The following KCND2 variants were observed in gnomAD, a reference collection of about 807,000 sequenced individuals.
The protein encoded by KCND2 is potassium voltage-gated channel subfamily D member 2, also known as A-type voltage-gated potassium channel KCND2.
KCND2 carries 16 observed loss-of-function variants against 54.4 expected under a neutral mutation model. That is an observed-to-expected ratio of 0.29 (90% CI 0.20 to 0.45). The LOEUF (loss-of-function observed/expected upper bound fraction) is 0.45. KCND2 is among the 20% of genes least tolerant of loss of function. KCND2 has a pLI of 1.00. For synonymous variants in KCND2, 317 were observed against 310.7 expected, an observed-to-expected ratio of 1.02 and a Z score of -0.21; for missense variants, 486 against 824.2, an observed-to-expected ratio of 0.59 and a Z score of 5.02.
intron 1 of KCND2, among the ~76,000 whole-genome samples, chr7:120,307,576 C>T (rs567683517): frequency 1.3e-5 from 2 of 151,872 alleles, no homozygotes; most frequent in Non-Finnish European, 2.9e-5. Flanking sequence ...GAAATGAGAC[C>T]GTCTTCTCAG....
At chr7:120,362,369 C>T (rs940427407) in intron 1 of KCND2, among the ~76,000 whole-genome samples, 2 of 151,876 alleles carry the variant, frequency 1.3e-5, no homozygotes, top group Non-Finnish European at 2.9e-5. Flanking sequence ...TTTTATAAGC[C>T]GTCGTATTCA....
intron 1 of KCND2, among the ~76,000 whole-genome samples, chr7:120,493,938 A>G (rs549739292): frequency 2.0e-5 from 3 of 152,288 alleles, no homozygotes; most frequent in Non-Finnish European, 4.4e-5. Context: ...TTAAATAAGC[A>G]GTAAAAATTG....
intron 1 of KCND2, among the ~76,000 whole-genome samples, chr7:120,333,894 T>C (rs910577203): frequency 3.4e-4 from 52 of 152,276 alleles, no homozygotes; most frequent in Middle Eastern, 3.4e-3. Context: ...TTCGGCACTT[T>C]AGATCTTAAC....
At chr7:120,709,968 CA>C (rs1175636207) in intron 1 of KCND2, among the ~76,000 whole-genome samples, 16 of 152,064 alleles carry the variant, frequency 1.1e-4, no homozygotes, top group African/African-American at 3.4e-4. Context: ...AACACAAGCT[CA>C]AAGATAAAAT....
chr7:120,392,751 C>T (rs903690979), intron 1 of KCND2, among the ~76,000 whole-genome samples: 4 of 151,868 alleles, frequency 2.6e-5, no homozygotes, highest in Non-Finnish European at 5.9e-5. Flanking sequence ...CTTGCTGCCG[C>T]CATGTTTGTG....
chr7:120,580,812 G>A (rs1316559111), intron 1 of KCND2, among the ~76,000 whole-genome samples: 1 of 151,978 alleles, frequency 6.6e-6, no homozygotes, highest in Non-Finnish European at 1.5e-5. Context: ...TTATGAACTT[G>A]CTTTTATTAT....
chr7:120,550,600 A>G (rs1424807078), intron 1 of KCND2, among the ~76,000 whole-genome samples: 2 of 152,180 alleles, frequency 1.3e-5, no homozygotes, highest in Non-Finnish European at 2.9e-5. Context: ...AAATGGTTTT[A>G]CAAGCCAGCA....
intron 2 of KCND2, among the ~76,000 whole-genome samples, chr7:120,734,332 G>A (rs945956573): frequency 6.6e-6 from 1 of 152,074 alleles, no homozygotes; most frequent in Non-Finnish European, 1.5e-5. Flanking sequence ...TATGTAAGGA[G>A]GCAACTTTAG....
At chr7:120,667,739 T>G (rs1344916769) in intron 1 of KCND2, among the ~76,000 whole-genome samples, 1 of 152,060 alleles carries the variant, frequency 6.6e-6, no homozygotes. Context: ...CCCTACTCAG[T>G]AGACAAAAAT....
intron 1 of KCND2, among the ~76,000 whole-genome samples, chr7:120,300,869 A>G (rs1240200444): frequency 1.3e-5 from 2 of 152,112 alleles, no homozygotes; most frequent in African/African-American, 4.8e-5. Flanking sequence ...ACAAGAAGGA[A>G]AAACTGAACT....
chr7:120,570,736 A>G (rs1410098508), intron 1 of KCND2, among the ~76,000 whole-genome samples: 1 of 152,118 alleles, frequency 6.6e-6, no homozygotes, highest in Admixed American at 6.6e-5. Flanking sequence ...TATTTCTATA[A>G]TGATTCTCTC....
intron 1 of KCND2, among the ~76,000 whole-genome samples, chr7:120,727,544 C>A (rs554222522): frequency 1.3e-5 from 2 of 152,160 alleles, no homozygotes; most frequent in Non-Finnish European, 2.9e-5. Flanking sequence ...TCTTTAATAG[C>A]CAAAACTTAA....
chr7:120,745,994 T>C lies in KCND2; in HGVS notation c.1682T>C (p.Ile561Thr). 2 of 1,613,678 alleles carry C rather than the reference T, an allele frequency of 1.2e-6. No individual in the cohort carries two copies. Among genetic ancestry groups the C allele is most frequent in the East Asian group, 2.2e-5 (1 of 44,848 alleles). Residue 561 changes from isoleucine (I) to threonine (T), a missense_variant, in exon 5 of 6, where the codon ATC becomes ACC. By Grantham distance (89) the Ile-to-Thr change is moderately conservative (BLOSUM62 -1). Coordinates refer to ENST00000331113, the MANE Select transcript of KCND2 (RefSeq NM_012281.3). ...ATACAAGAACTCAGCACGATTCAGATCAGATGTGTGGAGAGAACACCTCTG... is the reference window on the plus strand; with the variant it reads ...ATACAAGAACTCAGCACGATTCAGACCAGATGTGTGGAGAGAACACCTCTG... ...GSIQELSTIQ[I>T]RCVERTPLSN...
intron 1 of KCND2, among the ~76,000 whole-genome samples, chr7:120,536,758 C>T (rs1295661090): frequency 1.3e-5 from 2 of 152,126 alleles, no homozygotes; most frequent in African/African-American, 2.4e-5. Context: ...AATTCTAGTT[C>T]TCTTGGTGTT....
chr7:120,522,469 T>C (rs1791711249), intron 1 of KCND2, among the ~76,000 whole-genome samples: 1 of 152,170 alleles, frequency 6.6e-6, no homozygotes, highest in Non-Finnish European at 1.5e-5. Flanking sequence ...CAATGGGATA[T>C]GTAAAGTGGC....
chr7:120,382,889 A>G (rs926181783), intron 1 of KCND2, among the ~76,000 whole-genome samples: 8 of 151,836 alleles, frequency 5.3e-5, no homozygotes, highest in African/African-American at 1.9e-4. Flanking sequence ...CAATCTTTCT[A>G]CTTCTGTTCA....
intron 1 of KCND2, among the ~76,000 whole-genome samples, chr7:120,416,287 C>T (rs955076724): frequency 6.6e-6 from 1 of 152,160 alleles, no homozygotes; most frequent in Non-Finnish European, 1.5e-5. Context: ...ATGTGCCAAA[C>T]CTATATCTGC....
rs545073958 is a variant in KCND2 at position 120,631,198 on chromosome 7, T to G, written c.1116-101705T>G. Among the ~76,000 whole-genome samples, 11 of 152,224 alleles carry G rather than the reference T, an allele frequency of 7.2e-5. No individual in the cohort carries two copies. In the South Asian group the frequency reaches 2.3e-3, roughly 32 times the overall value. On this transcript the variant is annotated intron_variant, in intron 1 of 5. Transcript: ENST00000331113. ...AGTATAAATAGTATTCTTATCATCTTTATCTATTGAGTCATTATCAATCCA... is the reference window on the plus strand; with the variant it reads ...AGTATAAATAGTATTCTTATCATCTGTATCTATTGAGTCATTATCAATCCA...
At chr7:120,428,096 C>A (rs144332340) in intron 1 of KCND2, among the ~76,000 whole-genome samples, 1 of 152,238 alleles carries the variant, frequency 6.6e-6, no homozygotes, top group African/African-American at 2.4e-5. Flanking sequence ...ATTATAATCA[C>A]TTGAACATAA....
Sources: allele counts gnomAD v4.1 joint callset (sites outside exome capture counted in the v4.1 genomes callset), GRCh38; gene constraint gnomAD v4.1.1; transcripts MANE v1.5; gene names NCBI Gene and HGNC (gene_info 2026-07-23, HGNC 2026-07-21).